Variants in NPAS3 observed in about 807,000 individuals in gnomAD.
NPAS3 encodes neuronal PAS domain-containing protein 3.
In NPAS3, 14 loss-of-function variants were observed where a neutral mutation model predicts 73.1. The observed-to-expected ratio is 0.19, with a 90% CI of 0.13 to 0.30. The LOEUF (loss-of-function observed/expected upper bound fraction) is 0.30. NPAS3 is among the 10% of genes least tolerant of loss of function. NPAS3 has a pLI of 1.00. For synonymous variants in NPAS3, 620 were observed against 541.5 expected, an observed-to-expected ratio of 1.14 and a Z score of -2.01; for missense variants, 1,096 against 1,250.0, an observed-to-expected ratio of 0.88 and a Z score of 1.86.
intron 1 of NPAS3, among the ~76,000 whole-genome samples, chr14:32,943,143 T>A (rs1462667004): frequency 1.3e-5 from 2 of 152,188 alleles, no homozygotes; most frequent in Non-Finnish European, 2.9e-5. Context: ...AGTGAGCAAA[T>A]GAGCAAACTT....
chr14:33,299,817 T>C (rs1009181182), intron 3 of NPAS3, among the ~76,000 whole-genome samples: 3 of 152,234 alleles, frequency 2.0e-5, no homozygotes, highest in Non-Finnish European at 4.4e-5. Context: ...GGAACATTAT[T>C]TGACCTTATT....
At chr14:33,706,485 G>A (rs1018708076) in intron 6 of NPAS3, among the ~76,000 whole-genome samples, 42 of 152,316 alleles carry the variant, frequency 2.8e-4, no homozygotes, top group African/African-American at 9.6e-4. Context: ...TTCCCCCATA[G>A]ATCTGGCTGT....
intron 4 of NPAS3, among the ~76,000 whole-genome samples, chr14:33,508,068 A>G (rs1221073892): frequency 6.6e-6 from 1 of 152,002 alleles, no homozygotes; most frequent in East Asian, 1.9e-4. Context: ...GGTGCCATTC[A>G]ATCTCCTAGT....
At chr14:32,965,932 AAAAG>A (rs1466616389) in intron 1 of NPAS3, among the ~76,000 whole-genome samples, 1 of 152,214 alleles carries the variant, frequency 6.6e-6, no homozygotes, top group African/African-American at 2.4e-5. Context: ...AACTATCTGA[AAAAG>A]AAAGAAATCA....
chr14:33,229,771 T>G (rs1197206822), intron 3 of NPAS3, among the ~76,000 whole-genome samples: 1 of 152,178 alleles, frequency 6.6e-6, no homozygotes, highest in African/African-American at 2.4e-5. Flanking sequence ...CAAAAAAATC[T>G]TTTGTCAACG....
At chr14:33,180,482 C>T (rs887580500) in intron 2 of NPAS3, among the ~76,000 whole-genome samples, 4 of 152,040 alleles carry the variant, frequency 2.6e-5, no homozygotes, top group Non-Finnish European at 4.4e-5. Flanking sequence ...TGCAAATAAT[C>T]GTTCATGATT....
chr14:33,667,720 A>AAATT (rs2059493395), intron 5 of NPAS3, among the ~76,000 whole-genome samples: 2 of 152,186 alleles, frequency 1.3e-5, no homozygotes, highest in Admixed American at 6.5e-5. Context: ...CACAAGAAAT[A>AAATT]AATTATACAC....
intron 6 of NPAS3, among the ~76,000 whole-genome samples, chr14:33,713,675 A>G (rs1373218057): frequency 6.6e-6 from 1 of 152,216 alleles, no homozygotes. Flanking sequence ...GCACTGCGGC[A>G]GCAGCCTCCT....
chr14:33,120,474 C>T (rs139930596), intron 2 of NPAS3, among the ~76,000 whole-genome samples: 38 of 152,210 alleles, frequency 2.5e-4, no homozygotes, highest in African/African-American at 8.7e-4. Context: ...CATATCACTT[C>T]TTAAGTGGTA....
At chr14:33,554,641 A>AT (rs749989715) in intron 4 of NPAS3, among the ~76,000 whole-genome samples, 1 of 152,100 alleles carries the variant, frequency 6.6e-6, no homozygotes, top group Non-Finnish European at 1.5e-5. Context: ...TTTGGGGGTG[A>AT]TTTTTCCCCC....
At position 33,018,415 on chromosome 14, in the gene NPAS3, C is replaced by T. The variant is rs145603748; in HGVS notation, c.51-37490C>T. Among the ~76,000 whole-genome samples, 764 of 152,238 alleles carry T rather than the reference C, an allele frequency of 5.0e-3. 7 individuals are homozygous for T. The highest frequency in any genetic ancestry group is 0.018 in the African/African-American group (736 of 41,540). On this transcript the variant is annotated intron_variant, in intron 1 of 11. Transcript: ENST00000356141. ...TTCAGGATGATAAACATCATCTTCT[C>T]CAAGTCATGGCAGAGGCAGGACTTT...
intron 2 of NPAS3, among the ~76,000 whole-genome samples, chr14:33,144,954 T>C (rs2044184838): frequency 6.6e-6 from 1 of 152,198 alleles, no homozygotes; most frequent in African/African-American, 2.4e-5. Flanking sequence ...ATATTTTATC[T>C]ATTATTGTTA....
chr14:33,262,481 G>T (rs2049010275), intron 3 of NPAS3, among the ~76,000 whole-genome samples: 1 of 152,084 alleles, frequency 6.6e-6, no homozygotes, highest in Admixed American at 6.5e-5. Flanking sequence ...TTGAAATTAG[G>T]TAGACACACA....
intron 1 of NPAS3, among the ~76,000 whole-genome samples, chr14:32,939,875 C>T (rs1227696570): frequency 2.0e-5 from 3 of 151,846 alleles, no homozygotes; most frequent in Non-Finnish European, 4.4e-5. Context: ...GCGCGGAGCT[C>T]GCGCCAGGCC....
intron 1 of NPAS3, among the ~76,000 whole-genome samples, chr14:32,981,755 G>A (rs910585186): frequency 2.6e-5 from 4 of 151,964 alleles, no homozygotes; most frequent in Non-Finnish European, 4.4e-5. Context: ...GGTGTGGAGC[G>A]GGGGGTGAGA....
intron 11 of NPAS3, among the ~76,000 whole-genome samples, chr14:33,798,010 A>G (rs1213946382): frequency 2.6e-5 from 4 of 151,920 alleles, no homozygotes; most frequent in African/African-American, 4.8e-5. Context: ...GGCCATACAG[A>G]AGGAGCCCTG....
At chr14:33,610,820 G>A (rs1233026275) in intron 5 of NPAS3, among the ~76,000 whole-genome samples, 1 of 152,172 alleles carries the variant, frequency 6.6e-6, no homozygotes, top group East Asian at 1.9e-4. Flanking sequence ...CAAGGAGCTA[G>A]GAGAGGTTGA....
intron 7 of NPAS3, among the ~76,000 whole-genome samples, chr14:33,768,818 T>C (rs1303247960): frequency 6.6e-6 from 1 of 152,232 alleles, no homozygotes; most frequent in Admixed American, 6.5e-5. Flanking sequence ...AAGTAGATTC[T>C]TTTTATAGTT....
chr14:33,727,883 C>T (rs2061311810), intron 6 of NPAS3, among the ~76,000 whole-genome samples: 1 of 152,188 alleles, frequency 6.6e-6, no homozygotes, highest in Non-Finnish European at 1.5e-5. Flanking sequence ...ATTTAAAACA[C>T]TCACTTGCAG....
Sources: allele counts gnomAD v4.1 joint callset (sites outside exome capture counted in the v4.1 genomes callset), GRCh38; gene constraint gnomAD v4.1.1; transcripts MANE v1.5; gene names NCBI Gene and HGNC (gene_info 2026-07-23, HGNC 2026-07-21).